Variants in TSPAN14 observed in about 807,000 individuals in gnomAD.
The protein encoded by TSPAN14 is tetraspanin-14.
Under a neutral mutation model 36.6 loss-of-function variants are expected in TSPAN14, and 16 were observed. That is an observed-to-expected ratio of 0.44 (90% CI 0.30 to 0.66). The LOEUF (loss-of-function observed/expected upper bound fraction) is 0.66. Ranked by LOEUF, TSPAN14 falls within the 30% of genes least tolerant of loss-of-function variation. The probability of loss-of-function intolerance (pLI) is 0.12; values close to 1 mark genes in which losing one functional copy is unlikely to be tolerated. For missense variants in TSPAN14, 231 were observed against 355.1 expected, an observed-to-expected ratio of 0.65 and a Z score of 2.81; for synonymous variants, 139 against 143.8, an observed-to-expected ratio of 0.97 and a Z score of 0.24.
At chr10:80,462,170 A>C (rs918372723) in intron 1 of TSPAN14, among the ~76,000 whole-genome samples, 5 of 152,076 alleles carry the variant, frequency 3.3e-5, no homozygotes, top group African/African-American at 4.8e-5. Flanking sequence ...TTCTTAATTC[A>C]GGGGCTACTT....
intron 2 of TSPAN14, among the ~76,000 whole-genome samples, chr10:80,494,904 C>T (rs1848112257): frequency 6.6e-6 from 1 of 152,198 alleles, no homozygotes; most frequent in Non-Finnish European, 1.5e-5. Context: ...CCCAGGTTTA[C>T]TGCATTTCCT....
At position 80,509,175 on chromosome 10, in the gene TSPAN14, G is replaced by A. The variant is rs80053517; in HGVS notation, c.280-126G>A. The A allele has an allele frequency of 0.015, 14,931 of 1,027,022 alleles. 685 individuals are homozygous for A. Among genetic ancestry groups the A allele is most frequent in the East Asian group, 0.13 (5,145 of 40,424 alleles). The allele number at this position is 1,027,022 out of a possible 1,614,324, so 63.6% of individuals were successfully genotyped here. On this transcript the variant is annotated intron_variant, in intron 4 of 8. Coordinates refer to ENST00000429989, the Ensembl canonical transcript of TSPAN14. This position sits in a 1 kb window ranked among gnomAD's most constrained non-coding sequence, Gnocchi z 4.7. ...AAGTGTGGGGTTCTGGGGCCCCGATGTGGGACTCTCAGGTGCAGAGCCCAC... is the reference window on the plus strand; with the variant it reads ...AAGTGTGGGGTTCTGGGGCCCCGATATGGGACTCTCAGGTGCAGAGCCCAC...
At chr10:80,475,544 C>CCA in intron 1 of TSPAN14, among the ~76,000 whole-genome samples, 1 of 152,208 alleles carries the variant, frequency 6.6e-6, no homozygotes, top group South Asian at 2.1e-4. Flanking sequence ...AGTTAAAGGT[C>CCA]CACTCTGTTC....
At position 80,509,553 on chromosome 10, in the gene TSPAN14, C is replaced by T; in HGVS notation, c.450+82C>T. The T allele has an allele frequency of 6.8e-7, 1 of 1,470,046 alleles. No individual in the cohort carries two copies. Among genetic ancestry groups the T allele is most frequent in the Non-Finnish European group, 9.3e-7 (1 of 1,080,598 alleles). 91.1% of individuals were successfully genotyped at this position (1,470,046 alleles called of 1,614,324 possible). A position where few individuals can be genotyped will look rare whatever the true frequency, so the allele number is the denominator to read the frequency against. The stretch of plus-strand genomic sequence containing the variant: ...AGCTGAGTCTAGCAGGGGCATCAGG[C>T]CTTCTCTGTGGGTTGTCTGCCTGCA... On this transcript the variant is annotated intron_variant, in intron 5 of 8. Coordinates refer to ENST00000429989, the Ensembl canonical transcript of TSPAN14. This position sits in a 1 kb window ranked among gnomAD's most constrained non-coding sequence, Gnocchi z 4.7.
chr10:80,493,218 C>T (rs1383116626), intron 2 of TSPAN14, among the ~76,000 whole-genome samples: 1 of 152,134 alleles, frequency 6.6e-6, no homozygotes, highest in Non-Finnish European at 1.5e-5. Context: ...CACTTCACAC[C>T]CATTGGGATG....
At chr10:80,500,217 A>G (rs1052654981) in intron 2 of TSPAN14, among the ~76,000 whole-genome samples, 3 of 150,996 alleles carry the variant, frequency 2.0e-5, no homozygotes, top group African/African-American at 4.9e-5. Context: ...CATTGAACCC[A>G]TGATCTGACA....
At chr10:80,491,033 ACTTACTAAGC>A (rs1440689165) in intron 2 of TSPAN14, among the ~76,000 whole-genome samples, 2 of 152,232 alleles carry the variant, frequency 1.3e-5, no homozygotes, top group African/African-American at 4.8e-5. Flanking sequence ...AACAAGGCAG[ACTTACTAAGC>A]CTTCTCAGCC....
intron 2 of TSPAN14, among the ~76,000 whole-genome samples, chr10:80,491,840 G>T (rs987824162): frequency 1.3e-5 from 2 of 152,226 alleles, no homozygotes; most frequent in African/African-American, 2.4e-5. Context: ...GACCAAACAT[G>T]AGAGAGCTTG....
rs557485471 is a variant in TSPAN14 at position 80,515,739 on chromosome 10, C to T, written c.622-465C>T. 32 of 165,888 alleles carry T rather than the reference C, an allele frequency of 1.9e-4. No individual in the cohort carries two copies. The South Asian group carries it at 2.5e-3, about 13-fold the overall frequency. The allele number at this position is 165,888 out of a possible 1,614,324, so 10.3% of individuals were successfully genotyped here. A position where few individuals can be genotyped will look rare whatever the true frequency, so the allele number is the denominator to read the frequency against. On this transcript the variant is annotated intron_variant, in intron 7 of 8. Coordinates refer to ENST00000429989, the Ensembl canonical transcript of TSPAN14. ...GCAGTGGAGGGAGCTGGTTGGCTGG[C>T]GACTGTTGCCTGCTGGCTCTGTCTC...
chr10:80,507,819 T>C (rs945136839), intron 4 of TSPAN14, among the ~76,000 whole-genome samples: 6 of 152,260 alleles, frequency 3.9e-5, no homozygotes, highest in Admixed American at 2.6e-4. Context: ...AACTGCAGAT[T>C]ACTAAGAGTT....
intron 8 of TSPAN14, 31 bp from the exon 9 acceptor site, chr10:80,517,874 T>A (rs753995771): frequency 6.4e-7 from 1 of 1,550,942 alleles, no homozygotes; most frequent in Non-Finnish European, 8.7e-7. Flanking sequence ...GCCCCAGCAA[T>A]GGCCGCTGAC....
chr10:80,463,657 T>C (rs113131164), intron 1 of TSPAN14, among the ~76,000 whole-genome samples: 2 of 152,356 alleles, frequency 1.3e-5, no homozygotes, highest in African/African-American at 4.8e-5. Context: ...ATTTTGAGGT[T>C]GCTTTCAGTG....
At chr10:80,480,693 C>T (rs995640781) in intron 1 of TSPAN14, among the ~76,000 whole-genome samples, 6 of 152,032 alleles carry the variant, frequency 3.9e-5, no homozygotes, top group Non-Finnish European at 8.8e-5. Context: ...AAAAACCAAA[C>T]ACCGTATATT....
chr10:80,454,921 C>T (rs1289243472), intron 1 of TSPAN14, among the ~76,000 whole-genome samples: 1 of 152,214 alleles, frequency 6.6e-6, no homozygotes, highest in African/African-American at 2.4e-5. Flanking sequence ...TCTCCCACGC[C>T]GCCGTGGGTC....
At chr10:80,461,009 C>T (rs770621176) in intron 1 of TSPAN14, among the ~76,000 whole-genome samples, 1 of 152,148 alleles carries the variant, frequency 6.6e-6, no homozygotes, top group Admixed American at 6.5e-5. Flanking sequence ...GCCTTCTAGC[C>T]GGAGCTCCTG....
At chr10:80,515,794 G>C (rs1840907940) in intron 7 of TSPAN14, 1 of 165,052 alleles carries the variant, frequency 6.1e-6, no homozygotes, top group Non-Finnish European at 1.3e-5. Context: ...TGGGATGCCC[G>C]CTCCGAGAAG....
At chr10:80,511,655 C>A (rs559663941) in intron 5 of TSPAN14, among the ~76,000 whole-genome samples, 2 of 144,536 alleles carry the variant, frequency 1.4e-5, no homozygotes, top group South Asian at 4.4e-4. Context: ...CCGGAGATAC[C>A]TTCACTGCCA....
At chr10:80,520,794 A>G (rs558235868) in exon 9 of TSPAN14, 2 of 533,128 alleles carry the variant, frequency 3.8e-6, no homozygotes, top group East Asian at 5.5e-5. Context: ...GCTTATCCCA[A>G]TTGTCAACTC....
intron 1 of TSPAN14, among the ~76,000 whole-genome samples, chr10:80,458,182 T>G (rs1420656211): frequency 2.0e-5 from 3 of 152,196 alleles, no homozygotes; most frequent in Non-Finnish European, 2.9e-5. Context: ...CTCCCCACTT[T>G]TGTGGGACTC....
Sources: allele counts gnomAD v4.1 joint callset (sites outside exome capture counted in the v4.1 genomes callset), GRCh38; gene constraint gnomAD v4.1.1; non-coding constraint Gnocchi (gnomAD v3.1); transcripts MANE v1.5; gene names NCBI Gene and HGNC (gene_info 2026-07-23, HGNC 2026-07-21).